Variants in PRELID2 observed in about 807,000 individuals in gnomAD.
PRELID2 encodes the protein PRELI domain containing 2.
PRELID2 carries 25 observed loss-of-function variants against 28.4 expected under a neutral mutation model. The observed-to-expected ratio is 0.88, with a 90% CI of 0.64 to 1.23. The LOEUF (loss-of-function observed/expected upper bound fraction) is 1.23, where lower values mean the gene tolerates loss of function less well. PRELID2 is among the 50% of genes most tolerant of loss of function. The pLI, the probability that PRELID2 is intolerant of heterozygous loss-of-function variation, is 0.00. For missense variants in PRELID2, 201 were observed against 214.4 expected (o/e 0.94, Z 0.39); for synonymous variants, 76 against 71.6 (o/e 1.06, Z -0.31).
At chr5:145,654,240 A>T (rs1039866030) in intron 1 of PRELID2, among the ~76,000 whole-genome samples, 2 of 152,234 alleles carry the variant, frequency 1.3e-5, no homozygotes, top group Admixed American at 6.5e-5. Context: ...CAGGCTCTGA[A>T]ATTGAGGCAA....
rs191675685 is a variant in PRELID2, at chr5:145,794,842, C to T, written c.474+1600G>A. Among the ~76,000 whole-genome samples the T allele has an allele frequency of 2.8e-3, 419 of 152,162 alleles. 5 individuals carry two copies. The highest frequency in any genetic ancestry group is 2.7e-3 in the Admixed American group (42 of 15,278). Reference sequence around the variant, plus strand: ...ATCAGATTAATTGATGCATCAAATACAGACCAACCTCAGTTAATGAAATAA... The same window carrying T: ...ATCAGATTAATTGATGCATCAAATATAGACCAACCTCAGTTAATGAAATAA... On this transcript the variant is annotated intron_variant, in intron 5 of 6. Transcript: ENST00000683046.
intron 3 of PRELID2, chr5:145,819,568 T>C: frequency 1.7e-6 from 1 of 583,132 alleles, no homozygotes; most frequent in South Asian, 2.3e-5. Context: ...AACTGAAGTT[T>C]TTCTCTTTCT....
At chr5:145,356,471 A>G in the PRELID2 span, among the ~76,000 whole-genome samples, 13 of 150,652 alleles carry the variant, frequency 8.6e-5, no homozygotes, top group African/African-American at 1.9e-4. Context: ...GTATATATCT[A>G]TTTTGGATGG....
intron 1 of PRELID2, among the ~76,000 whole-genome samples, chr5:145,554,870 C>A (rs546812852): frequency 6.6e-6 from 1 of 152,300 alleles, no homozygotes; most frequent in African/African-American, 2.4e-5. Flanking sequence ...CTTATTCATT[C>A]ATGGGTCATC....
intron 1 of PRELID2, among the ~76,000 whole-genome samples, chr5:145,676,637 C>T (rs1754823200): frequency 1.3e-5 from 2 of 152,176 alleles, no homozygotes; most frequent in Admixed American, 1.3e-4. Context: ...ACCCACTTTT[C>T]CTGAGAAACC....
At chr5:145,312,595 T>C in the PRELID2 span, among the ~76,000 whole-genome samples, 1 of 152,174 alleles carries the variant, frequency 6.6e-6, no homozygotes, top group Admixed American at 6.5e-5. Context: ...CACATATAAG[T>C]GAGATCATAC....
intron 4 of PRELID2, among the ~76,000 whole-genome samples, chr5:145,816,029 G>T (rs1435743362): frequency 2.0e-5 from 3 of 148,012 alleles, no homozygotes; most frequent in Non-Finnish European, 3.0e-5. Context: ...ACATGTAAGG[G>T]TTCTAATTTA....
the PRELID2 span, among the ~76,000 whole-genome samples, chr5:145,417,201 G>T: frequency 3.9e-5 from 6 of 152,064 alleles, no homozygotes; most frequent in Non-Finnish European, 8.8e-5. Context: ...GAACCAGGAA[G>T]AAATTGAATC....
intron 1 of PRELID2, among the ~76,000 whole-genome samples, chr5:145,501,180 T>G (rs1752356982): frequency 6.6e-6 from 1 of 152,172 alleles, no homozygotes. Context: ...ATCAATGTTG[T>G]GTTAAAATCT....
chr5:145,489,651 G>A (rs2126625272), intron 1 of PRELID2, among the ~76,000 whole-genome samples: 2 of 152,248 alleles, frequency 1.3e-5, no homozygotes, highest in East Asian at 3.9e-4. Flanking sequence ...TTAAAAGCGA[G>A]CAGGGATCAT....
chr5:145,381,072 A>G, the PRELID2 span, among the ~76,000 whole-genome samples: 1 of 152,196 alleles, frequency 6.6e-6, no homozygotes, highest in South Asian at 2.1e-4. Flanking sequence ...TTTCAGTTAA[A>G]AACTACAAAT....
At chr5:145,772,268 TC>T (rs998285346) in intron 5 of PRELID2, among the ~76,000 whole-genome samples, 1 of 151,576 alleles carries the variant, frequency 6.6e-6, no homozygotes, top group Non-Finnish European at 1.5e-5. Context: ...TAACTAAACC[TC>T]AATTTGACAG....
At chr5:145,485,717 C>T (rs7733504) in intron 1 of PRELID2, among the ~76,000 whole-genome samples, 31,672 of 152,160 alleles carry the variant, frequency 0.21, 3,734 homozygotes, top group South Asian at 0.37. Flanking sequence ...GCACCTGAGT[C>T]GTCAGGTAGC....
chr5:145,492,207 T>C (rs2126627570), intron 1 of PRELID2, among the ~76,000 whole-genome samples: 1 of 152,336 alleles, frequency 6.6e-6, no homozygotes, highest in East Asian at 1.9e-4. Flanking sequence ...TGTTATCTTT[T>C]GTCGCTTTGA....
At chr5:145,513,095 G>A (rs1461298027) in intron 1 of PRELID2, among the ~76,000 whole-genome samples, 2 of 151,972 alleles carry the variant, frequency 1.3e-5, no homozygotes, top group Admixed American at 6.6e-5. Context: ...AAAGGATCAC[G>A]ACTCCTCGCC....
the PRELID2 span, among the ~76,000 whole-genome samples, chr5:145,454,639 G>A: frequency 6.6e-6 from 1 of 152,056 alleles, no homozygotes; most frequent in African/African-American, 2.4e-5. Flanking sequence ...ACCAATAACA[G>A]ACAAACAGAG....
rs1561566954 is a variant in PRELID2 at position 145,740,885 on chromosome 5, C to CTATAAATAAATATGTAT, written n.70+24045_70+24046insATACATATTTATTTATA. On this transcript the variant is annotated intron_variant and non_coding_transcript_variant, in intron 1 of 2. Coordinates refer to the PRELID2 transcript ENST00000510259. ...ATATTTATCGATAAATATATATGTA[C>CTATAAATAAATATGTAT]ATATATTTATCGATAAATATATATG... Among the ~76,000 whole-genome samples the CTATAAATAAATATGTAT allele has an allele frequency of 1.7e-3, 151 of 88,678 alleles. 16 individuals carry two copies. The highest frequency in any genetic ancestry group is 7.5e-3 in the African/African-American group (142 of 18,822). The allele number at this position is 88,678 out of a possible 152,430, so 58.2% of individuals were successfully genotyped here.
At chr5:145,576,144 C>T (rs1753058361) in intron 1 of PRELID2, among the ~76,000 whole-genome samples, 1 of 152,140 alleles carries the variant, frequency 6.6e-6, no homozygotes, top group Admixed American at 6.6e-5. Flanking sequence ...CTATTTAATT[C>T]AACCATTTAA....
the PRELID2 span, among the ~76,000 whole-genome samples, chr5:145,266,504 T>C: frequency 6.6e-6 from 1 of 152,056 alleles, no homozygotes; most frequent in Non-Finnish European, 1.5e-5. Context: ...ACCTTACTCC[T>C]ACAAGAGTGG....
Sources: allele counts gnomAD v4.1 joint callset (sites outside exome capture counted in the v4.1 genomes callset), GRCh38; gene constraint gnomAD v4.1.1; transcripts MANE v1.5; gene names NCBI Gene and HGNC (gene_info 2026-07-23, HGNC 2026-07-21).